LMAN2: variants seen among roughly 807,000 people sequenced by gnomAD.
LMAN2 encodes lectin, mannose binding 2, also known as vesicular integral-membrane protein VIP36.
In LMAN2, 22 loss-of-function variants were observed where a neutral mutation model predicts 39.3. The ratio of observed to expected loss-of-function variants is 0.56; its 90% CI spans 0.40 to 0.80. The LOEUF (loss-of-function observed/expected upper bound fraction) is 0.80. Among genes scored for constraint, LMAN2 ranks in the 30% least tolerant of loss-of-function variants. LMAN2 has a pLI of 0.00. For missense variants in LMAN2, 494 were observed against 505.4 expected, an observed-to-expected ratio of 0.98 and a Z score of 0.22; for synonymous variants, 207 against 207.8, an observed-to-expected ratio of 1.00 and a Z score of 0.03.
At position 177,332,184 on chromosome 5, in the gene LMAN2, G is replaced by A. The variant is rs1195977559; in HGVS notation, c.973C>T (p.Leu325=). 9.3e-6 allele frequency: 15 copies of A among 1,613,394 alleles called. No individual in the cohort carries two copies. Among genetic ancestry groups the A allele is most frequent in the East Asian group, 2.2e-5 (1 of 44,886 alleles). Residue 325 remains leucine (L), a synonymous_variant, in exon 8 of 8, where the codon CTG becomes TTG. Coordinates refer to ENST00000303127, the MANE Select transcript of LMAN2 (RefSeq NM_006816.3). This position sits in a 1 kb window ranked among gnomAD's most constrained non-coding sequence, Gnocchi z 6.3. ...SGPLTGWRVF[L]LLLCALLGIV... ...CCCAGGAGAGCGCACAGCAGCAGCA[G>A]GAACACCCGCCACCCCGTCAGGGGC...
At chr5:177,334,231 C>A (rs374381603) in intron 7 of LMAN2, 53 bp downstream of exon 7, 1 of 1,565,034 alleles carries the variant, frequency 6.4e-7, no homozygotes, top group South Asian at 1.2e-5. Flanking sequence ...GGCTTCACCC[C>A]ATTCTGGGTC....
In LMAN2 at chr5:177,337,483, G is replaced by A. The variant is rs1435792585; in HGVS notation, c.555C>T (p.Ser185=). The change falls in exon 5 of 8, where the codon TCC becomes TCT. Residue 185 remains serine, a synonymous_variant. Transcript: ENST00000303127. This position sits in a 1 kb window ranked among gnomAD's most constrained non-coding sequence, Gnocchi z 8.2. Reference sequence around the variant, plus strand: ...CATCCTTGCTGTGGTCGTAGGACAGGGAGCCATTGTTCACCATCACCGAGA... The same window carrying A: ...CATCCTTGCTGTGGTCGTAGGACAGAGAGCCATTGTTCACCATCACCGAGA... ...PYISVMVNNG[S]LSYDHSKDGR... The A allele has an allele frequency of 2.5e-6, 4 of 1,613,914 alleles. No homozygotes were observed. Among genetic ancestry groups the A allele is most frequent in the Non-Finnish European group, 3.4e-6 (4 of 1,180,022 alleles).
chr5:177,334,465 G>A, intron 6 of LMAN2, 62 bp from the exon 7 acceptor site: 1 of 1,554,464 alleles, frequency 6.4e-7, no homozygotes. Context: ...CGTGGCCCAA[G>A]ACCCTCCCAC....
At chr5:177,342,355 T>A (rs984342822) in intron 2 of LMAN2, among the ~76,000 whole-genome samples, 1 of 151,812 alleles carries the variant, frequency 6.6e-6, no homozygotes, top group Admixed American at 6.6e-5. Flanking sequence ...AAAAAAATAA[T>A]AATAAGTATA....
rs753885384 is a variant in LMAN2 at position 177,349,639 on chromosome 5, C to T, written c.315+1534G>A. Among the ~76,000 whole-genome samples, 8 of 152,318 alleles carry T rather than the reference C, an allele frequency of 5.3e-5. No homozygotes were observed. The East Asian group carries it at 7.7e-4, about 15-fold the overall frequency. On this transcript the variant is annotated intron_variant, in intron 2 of 7. Transcript: ENST00000303127. ...AAAATGTAAGCCACTGTCTTAGATG[C>T]GTCTATTACTTGTGGCTACTCCTGA...
At chr5:177,335,180 G>A (rs1324928105) in intron 6 of LMAN2, among the ~76,000 whole-genome samples, 2 of 152,310 alleles carry the variant, frequency 1.3e-5, no homozygotes, top group East Asian at 1.9e-4. Context: ...GCAAGAGCTC[G>A]GCCAGGCACA....
At position 177,332,380 on chromosome 5, in the gene LMAN2, G is replaced by C; in HGVS notation, c.911-134C>G. 1 of 794,852 alleles carries C rather than the reference G, an allele frequency of 1.3e-6. No homozygotes were observed. The highest frequency in any genetic ancestry group is 2.7e-5 in the East Asian group (1 of 37,198). 49.2% of individuals were successfully genotyped at this position (794,852 alleles called of 1,614,324 possible). A position where few individuals can be genotyped will look rare whatever the true frequency, so the allele number is the denominator to read the frequency against. On this transcript the variant is annotated intron_variant, in intron 7 of 7. Coordinates refer to ENST00000303127, the MANE Select transcript of LMAN2 (RefSeq NM_006816.3). The surrounding 1 kb of genome is among the most constrained non-coding windows in gnomAD (Gnocchi z 6.3). ...CGGTCGTACTCACCCCCCTCACCGG[G>C]GAGGGGCAGAGGTCAGGTGAAGCCC...
chr5:177,332,833 G>A lies in LMAN2; in HGVS notation c.911-587C>T, dbSNP rs1001363298. On this transcript the variant is annotated intron_variant, in intron 7 of 7. Transcript: ENST00000303127. The surrounding 1 kb of genome is among the most constrained non-coding windows in gnomAD (Gnocchi z 6.3). ...CTTGTACAGGCGGAGAGAAGACACT[G>A]ACTTTCCCAAGCTCTCCAGGCTGTG... 6.6e-6 allele frequency among the ~76,000 whole-genome samples: 1 copy of A among 152,196 alleles called. No homozygotes were observed. Among genetic ancestry groups the A allele is most frequent in the African/African-American group, 2.4e-5 (1 of 41,450 alleles).
At chr5:177,350,044 A>G (rs573231670) in intron 2 of LMAN2, among the ~76,000 whole-genome samples, 1 of 152,344 alleles carries the variant, frequency 6.6e-6, no homozygotes, top group South Asian at 2.1e-4. Flanking sequence ...GTGCAGACAT[A>G]ATGCATGCTT....
At chr5:177,341,491 G>A (rs1761553902) in intron 2 of LMAN2, among the ~76,000 whole-genome samples, 1 of 152,248 alleles carries the variant, frequency 6.6e-6, no homozygotes, top group African/African-American at 2.4e-5. Context: ...GAAGGCAGAT[G>A]ACTGATATGT....
chr5:177,343,697 T>C (rs1314243533), intron 2 of LMAN2, among the ~76,000 whole-genome samples: 1 of 150,718 alleles, frequency 6.6e-6, no homozygotes. Flanking sequence ...AAGACAAATA[T>C]TGTATGCCTC....
At chr5:177,345,764 T>TA (rs1761628508) in intron 2 of LMAN2, among the ~76,000 whole-genome samples, 4 of 150,994 alleles carry the variant, frequency 2.6e-5, no homozygotes, top group Non-Finnish European at 4.4e-5. Context: ...TTTATTTATT[T>TA]ATTTATTTAT....
intron 2 of LMAN2, among the ~76,000 whole-genome samples, chr5:177,343,042 A>G (rs1451457980): frequency 6.6e-6 from 1 of 152,118 alleles, no homozygotes; most frequent in Non-Finnish European, 1.5e-5. Flanking sequence ...TCACGAGGTC[A>G]AGAGATGGAG....
At position 177,332,145 on chromosome 5, in the gene LMAN2, C is replaced by T. The variant is rs756842636; in HGVS notation, c.1012G>A (p.Ala338Thr). The T allele has an allele frequency of 2.5e-6, 4 of 1,613,704 alleles. No homozygotes were observed. Among genetic ancestry groups the T allele is most frequent in the East Asian group, 2.2e-5 (1 of 44,882 alleles). ...LCALLGIVVC[A>T]VVGAVVFQKR... is the part of the protein sequence containing the mutation. ...TGGAACACCACGGCCCCCACCACGG[C>T]GCAGACAACGATGCCCAGGAGAGCG... The change falls in exon 8 of 8, where the codon GCC (alanine) becomes ACC (threonine). Residue 338 changes from alanine (A) to threonine (T), a missense_variant. Ala to Thr is a moderately conservative substitution (Grantham distance 58). Coordinates refer to ENST00000303127, the MANE Select transcript of LMAN2 (RefSeq NM_006816.3). This position sits in a 1 kb window ranked among gnomAD's most constrained non-coding sequence, Gnocchi z 6.3.
chr5:177,341,468 A>G (rs969212337), intron 2 of LMAN2, among the ~76,000 whole-genome samples: 1 of 152,246 alleles, frequency 6.6e-6, no homozygotes, highest in Non-Finnish European at 1.5e-5. Flanking sequence ...CACGGCGGGA[A>G]CAGCGGGAGC....
chr5:177,341,059 T>C (rs993889167), intron 2 of LMAN2, among the ~76,000 whole-genome samples: 42 of 126,614 alleles, frequency 3.3e-4, no homozygotes, highest in African/African-American at 3.6e-5. Context: ...CCAGCCTTTT[T>C]TTTTCTTTTT....
chr5:177,338,326 C>T (rs1234856180), intron 3 of LMAN2, among the ~76,000 whole-genome samples, 162 bp downstream of exon 3: 1 of 152,204 alleles, frequency 6.6e-6, no homozygotes, highest in Non-Finnish European at 1.5e-5. Context: ...AGGCTCCTTC[C>T]GGAGGCGCAG....
In LMAN2 at chr5:177,337,876, G is replaced by T; in HGVS notation, c.434-91C>A. On this transcript the variant is annotated intron_variant, in intron 3 of 7. Transcript: ENST00000303127. This position sits in a 1 kb window ranked among gnomAD's most constrained non-coding sequence, Gnocchi z 8.2. ...GCAAGCAATGCCAACATGGGTGGGG[G>T]CAAGAGAGCCCAACCCACTGGCCAT... 1.8e-6 allele frequency: 2 copies of T among 1,130,740 alleles called. No individual in the cohort carries two copies. The highest frequency in any genetic ancestry group is 2.6e-6 in the Non-Finnish European group (2 of 763,340). 70.0% of individuals were successfully genotyped at this position (1,130,740 alleles called of 1,614,324 possible).
chr5:177,337,224 G>A lies in LMAN2; in HGVS notation c.702C>T (p.Asn234=), dbSNP rs200490741. Residue 234 remains asparagine (N), a synonymous_variant, in exon 6 of 8, where the codon AAC becomes AAT. Transcript: ENST00000303127. This position sits in a 1 kb window ranked among gnomAD's most constrained non-coding sequence, Gnocchi z 8.2. ...LTVMTDLEDK[N]EWKNCIDITG... is the part of the protein sequence containing the mutation. The stretch of plus-strand genomic sequence containing the variant: ...TGATGTCAATGCAGTTCTTCCACTC[G>A]TTCTTGTCCTCCAGGTCGGTCATCA... 4.5e-5 allele frequency: 72 copies of A among 1,614,014 alleles called. No individual in the cohort carries two copies. The highest frequency in any genetic ancestry group is 1.6e-4 in the Middle Eastern group (1 of 6,062).
Sources: allele counts gnomAD v4.1 joint callset (sites outside exome capture counted in the v4.1 genomes callset), GRCh38; gene constraint gnomAD v4.1.1; non-coding constraint Gnocchi (gnomAD v3.1); transcripts MANE v1.5; gene names NCBI Gene and HGNC (gene_info 2026-07-23, HGNC 2026-07-21).